The following TP73 variants were observed in gnomAD, a reference collection of about 807,000 sequenced individuals.
TP73 encodes tumor protein p73, also known as p53-like transcription factor.
A neutral mutation model predicts 62.5 loss-of-function variants in TP73; 25 were observed. That is an observed-to-expected ratio of 0.40 (90% CI 0.29 to 0.56). The LOEUF is 0.56. TP73 is among the 20% of genes least tolerant of loss of function. The pLI is 0.46. For synonymous variants in TP73, 423 were observed against 377.5 expected, an observed-to-expected ratio of 1.12 and a Z score of -1.40; for missense variants, 754 against 913.3, an observed-to-expected ratio of 0.83 and a Z score of 2.25.
At chr1:3,684,564 G>C (rs1031525287) in intron 3 of TP73, among the ~76,000 whole-genome samples, 2 of 152,190 alleles carry the variant, frequency 1.3e-5, no homozygotes, top group South Asian at 4.1e-4. Flanking sequence ...AACGAACAGA[G>C]TGAAGCGGGG....
intron 1 of TP73, among the ~76,000 whole-genome samples, chr1:3,654,192 A>T (rs1644817338): frequency 6.6e-6 from 1 of 152,154 alleles, no homozygotes; most frequent in Non-Finnish European, 1.5e-5. Context: ...AGATGAAATA[A>T]GATAAAAGTT....
intron 4 of TP73, chr1:3,712,176 A>C (rs1292682885): frequency 2.6e-5 from 4 of 152,232 alleles, no homozygotes; most frequent in Non-Finnish European, 5.9e-5. Context: ...ACCAGAAGCA[A>C]TTATATGTGC....
intron 3 of TP73, among the ~76,000 whole-genome samples, chr1:3,703,965 G>A (rs1241708073): frequency 1.3e-5 from 2 of 152,228 alleles, no homozygotes; most frequent in Non-Finnish European, 2.9e-5. Context: ...AGGGCACCAC[G>A]GAGAGGGGAG....
At chr1:3,727,245 G>A (rs2124518178) in intron 7 of TP73, 21 bp downstream of exon 7, 1 of 1,606,138 alleles carries the variant, frequency 6.2e-7, no homozygotes, top group African/African-American at 1.3e-5. Flanking sequence ...GGCACACGGG[G>A]TGGAGGTGGG....
intron 1 of TP73, among the ~76,000 whole-genome samples, chr1:3,665,670 T>A: frequency 6.6e-6 from 1 of 151,206 alleles, no homozygotes; most frequent in Admixed American, 6.6e-5. Flanking sequence ...TTTTTTTTTT[T>A]TTTAGACAAT....
chr1:3,716,094 G>C (rs1184253011), intron 4 of TP73, among the ~76,000 whole-genome samples: 2 of 152,210 alleles, frequency 1.3e-5, no homozygotes, highest in South Asian at 2.1e-4. Context: ...CCCCTGGCCT[G>C]CCCTCCCCAG....
chr1:3,722,303 A>AGCCCATGCTGTCAGCCC, intron 5 of TP73, 96 bp downstream of exon 5: 1 of 1,448,346 alleles, frequency 6.9e-7, no homozygotes, highest in Non-Finnish European at 9.4e-7. Flanking sequence ...AGTGGGGCTG[A>AGCCCATGCTGTCAGCCC]CAGCATGGGC....
chr1:3,703,878 C>A (rs951405084), intron 3 of TP73, among the ~76,000 whole-genome samples: 1 of 152,216 alleles, frequency 6.6e-6, no homozygotes. Context: ...GGAAGTCGTG[C>A]ATCCCTGAGG....
At chr1:3,687,356 G>A (rs1326536285) in intron 3 of TP73, among the ~76,000 whole-genome samples, 3 of 152,150 alleles carry the variant, frequency 2.0e-5, no homozygotes, top group Non-Finnish European at 4.4e-5. Flanking sequence ...GTCTGCCCTG[G>A]CCACCCCCAC....
rs985354411 is a variant in TP73, at chr1:3,672,110, G to A, written c.-33-10223G>A. 2.6e-5 allele frequency among the ~76,000 whole-genome samples: 4 copies of A among 152,244 alleles called. No homozygotes were observed. Among genetic ancestry groups the A allele is most frequent in the East Asian group, 1.9e-4 (1 of 5,174 alleles). On this transcript the variant is annotated intron_variant, in intron 1 of 13. Coordinates refer to ENST00000378295, the MANE Select transcript of TP73 (RefSeq NM_005427.4). This position sits in a 1 kb window ranked among gnomAD's most constrained non-coding sequence, Gnocchi z 5.3. ...AGACATGTCCACTGGTGCAGCGGGC[G>A]TGTCCCAGACCCCTTAGAGAAAAGC...
chr1:3,716,574 C>A lies in TP73; in HGVS notation c.430-5447C>A, dbSNP rs1305943142. ...CCAGCCCTGTGACATCCTGCCAGGC[C>A]TCCCTGACATCTGTCAGAGCCCAGC... On this transcript the variant is annotated intron_variant, in intron 4 of 13. Transcript: ENST00000378295. Among the ~76,000 whole-genome samples, 11 of 152,354 alleles carry A rather than the reference C, an allele frequency of 7.2e-5. No individual in the cohort carries two copies. The East Asian group carries it at 1.9e-3, about 27-fold the overall frequency.
At chr1:3,679,843 ATCTC>A (rs146935286) in intron 1 of TP73, among the ~76,000 whole-genome samples, 1 of 69,224 alleles carries the variant, frequency 1.4e-5, no homozygotes, top group Non-Finnish European at 3.1e-5. Context: ...TTGTCCTTGT[ATCTC>A]TCTGTCTCTC....
intron 1 of TP73, among the ~76,000 whole-genome samples, chr1:3,653,472 C>T (rs917616313): frequency 1.3e-5 from 2 of 152,238 alleles, no homozygotes; most frequent in African/African-American, 2.4e-5. Flanking sequence ...AGTATGCACA[C>T]GTCTGCTACA....
chr1:3,734,007 GAGA>G lies in TP73; in HGVS notation c.*931_*933del, dbSNP rs1394450449. On this transcript the variant is annotated 3_prime_UTR_variant, in exon 14 of 14. Coordinates refer to ENST00000378295, the MANE Select transcript of TP73 (RefSeq NM_005427.4). This position sits in a 1 kb window ranked among gnomAD's most constrained non-coding sequence, Gnocchi z 4.4. ...ATGAGCCAGGCTGAGGAAGCTGAGT[GAGA>G]AGCCAGGTGGGCGGGACTTGTTCCC... The G allele has an allele frequency of 6.6e-6, 1 of 151,116 alleles. No individual in the cohort carries two copies. Among genetic ancestry groups the G allele is most frequent in the Non-Finnish European group, 1.5e-5 (1 of 67,884 alleles). 9.4% of individuals were successfully genotyped at this position (151,116 alleles called of 1,614,324 possible).
rs1219082164 is a variant in TP73 at position 3,666,887 on chromosome 1, G to A, written c.-34+14246G>A. ...CATTTATGGTTGGCAAAAAAAAGTG[G>A]CTCCCCAAAGGTCTTCACGTCCCAA... On this transcript the variant is annotated intron_variant, in intron 1 of 13. Transcript: ENST00000378295. The surrounding 1 kb of genome is among the most constrained non-coding windows in gnomAD (Gnocchi z 6.4). Among the ~76,000 whole-genome samples the A allele has an allele frequency of 6.6e-6, 1 of 152,152 alleles. No individual in the cohort carries two copies. Among genetic ancestry groups the A allele is most frequent in the South Asian group, 2.1e-4 (1 of 4,826 alleles).
chr1:3,720,716 A>G (rs2124471803), intron 4 of TP73, among the ~76,000 whole-genome samples: 1 of 152,246 alleles, frequency 6.6e-6, no homozygotes, highest in Non-Finnish European at 1.5e-5. Context: ...CCAAGGACCT[A>G]TGTGGCTCCT....
At chr1:3,686,780 G>A (rs1282832807) in intron 3 of TP73, among the ~76,000 whole-genome samples, 3 of 152,208 alleles carry the variant, frequency 2.0e-5, no homozygotes, top group South Asian at 2.1e-4. Flanking sequence ...GGCCAGGTTT[G>A]CTGAGCTCAG....
chr1:3,655,837 G>A (rs986010665), intron 1 of TP73, among the ~76,000 whole-genome samples: 6 of 152,198 alleles, frequency 3.9e-5, no homozygotes, highest in East Asian at 1.9e-4. Flanking sequence ...AGGATGCCTC[G>A]AAAATCCTTC....
intron 1 of TP73, among the ~76,000 whole-genome samples, chr1:3,661,722 GTA>G (rs3034606): frequency 0.73 from 102,983 of 140,992 alleles, 37,588 homozygotes; most frequent in Middle Eastern, 0.77. Flanking sequence ...TGTATTTTGT[GTA>G]TATATATATA....
Sources: allele counts gnomAD v4.1 joint callset (sites outside exome capture counted in the v4.1 genomes callset), GRCh38; gene constraint gnomAD v4.1.1; non-coding constraint Gnocchi (gnomAD v3.1); transcripts MANE v1.5; gene names NCBI Gene and HGNC (gene_info 2026-07-23, HGNC 2026-07-21).